The following TEKTIP1 variants were observed in gnomAD, a reference collection of about 807,000 sequenced individuals.
TEKTIP1 encodes tektin bundle-interacting protein 1.
the TEKTIP1 span, among the ~76,000 whole-genome samples, chr19:3,540,503 TC>T: frequency 1.3e-5 from 2 of 150,574 alleles, no homozygotes; most frequent in Non-Finnish European, 3.0e-5. Flanking sequence ...TGATCTGCCC[TC>T]CTTGGCCTCC....
chr19:3,541,712 T>G, the TEKTIP1 span: 1 of 985,272 alleles, frequency 1.0e-6, no homozygotes, highest in African/African-American at 1.7e-5. Flanking sequence ...ATGTACCACC[T>G]GCTCCTGGGA....
At chr19:3,541,709 A>C in the TEKTIP1 span, 1 of 985,350 alleles carries the variant, frequency 1.0e-6, no homozygotes, top group Non-Finnish European at 1.2e-6. Flanking sequence ...TGCATGTACC[A>C]CCTGCTCCTG....
the TEKTIP1 span, chr19:3,543,203 G>A: frequency 6.5e-7 from 1 of 1,533,540 alleles, no homozygotes; most frequent in Non-Finnish European, 8.8e-7. Flanking sequence ...CTGTAGACAT[G>A]GGCTCAGTCT....
chr19:3,542,593 C>T, the TEKTIP1 span: 28 of 751,350 alleles, frequency 3.7e-5, no homozygotes, highest in Non-Finnish European at 4.5e-5. Context: ...CCTGCCTCAG[C>T]CTCCTGAGTA....
At chr19:3,543,720 G>C in the TEKTIP1 span, 114 of 1,498,778 alleles carry the variant, frequency 7.6e-5, 1 homozygote, top group South Asian at 1.0e-3. Flanking sequence ...GAGGCCAGGG[G>C]GACAAGGCCA....
chr19:3,543,794 G>A, the TEKTIP1 span: 3 of 1,500,020 alleles, frequency 2.0e-6, no homozygotes, highest in African/African-American at 1.4e-5. Context: ...CGGCGAGGAG[G>A]TGGGGGCACA....
the TEKTIP1 span, among the ~76,000 whole-genome samples, chr19:3,541,277 A>G: frequency 6.6e-6 from 1 of 151,620 alleles, no homozygotes; most frequent in Non-Finnish European, 1.5e-5. Context: ...TCAAGGCTGC[A>G]GTGAGCCGAA....
At chr19:3,543,392 C>T in the TEKTIP1 span, 22 of 1,548,738 alleles carry the variant, frequency 1.4e-5, no homozygotes, top group Admixed American at 2.0e-5. Context: ...CAACCTGCCA[C>T]GGGCCCCGGC....
At chr19:3,542,793 C>G in the TEKTIP1 span, 1 of 1,369,782 alleles carries the variant, frequency 7.3e-7, no homozygotes, top group South Asian at 1.1e-5. Context: ...AGTGGGTCCC[C>G]CAGTCTTCCC....
the TEKTIP1 span, chr19:3,543,367 C>T: frequency 1.1e-4 from 169 of 1,549,122 alleles, no homozygotes; most frequent in Non-Finnish European, 1.3e-4. Context: ...ACTCGGACGC[C>T]TGGGAAGCCT....
chr19:3,543,279 TCAGGCAG>T, the TEKTIP1 span: 2 of 1,547,960 alleles, frequency 1.3e-6, no homozygotes, highest in African/African-American at 2.7e-5. Flanking sequence ...CCACCAGCCA[TCAGGCAG>T]GCCACACGCT....
At chr19:3,542,445 A>G in the TEKTIP1 span, 1 of 985,298 alleles carries the variant, frequency 1.0e-6, no homozygotes, top group Non-Finnish European at 1.2e-6. Flanking sequence ...TCCCAAGAGC[A>G]AGGTCAAAGC....
At chr19:3,543,933 C>G in the TEKTIP1 span, 5 of 1,551,102 alleles carry the variant, frequency 3.2e-6, no homozygotes, top group Admixed American at 2.0e-5. Flanking sequence ...CCAGAACTAC[C>G]GGGAGTGGGT....
the TEKTIP1 span, chr19:3,542,218 G>T: frequency 1.0e-6 from 1 of 985,262 alleles, no homozygotes; most frequent in African/African-American, 1.7e-5. Flanking sequence ...TGGAAAAGCC[G>T]AGTCTATGTG....
chr19:3,543,215 T>C, the TEKTIP1 span: 14 of 1,538,286 alleles, frequency 9.1e-6, no homozygotes, highest in African/African-American at 6.9e-5. Flanking sequence ...GCTCAGTCTC[T>C]GCCCCCTGCC....
chr19:3,542,494 G>A, the TEKTIP1 span: 53 of 981,532 alleles, frequency 5.4e-5, no homozygotes, highest in Non-Finnish European at 5.9e-5. Context: ...TTGTTTTTGA[G>A]ACAGAGTCTC....
At chr19:3,543,481 C>CA in the TEKTIP1 span, 3 of 404,690 alleles carry the variant, frequency 7.4e-6, no homozygotes, top group Non-Finnish European at 9.8e-6. Context: ...CGGGTGAGTG[C>CA]CCCCCCCCCC....
At chr19:3,543,395 G>A in the TEKTIP1 span, 1 of 1,548,510 alleles carries the variant, frequency 6.5e-7, no homozygotes, top group Non-Finnish European at 8.7e-7. Context: ...CCTGCCACGG[G>A]CCCCGGCCAG....
At chr19:3,542,932 C>T in the TEKTIP1 span, 1 of 1,467,254 alleles carries the variant, frequency 6.8e-7, no homozygotes, top group Non-Finnish European at 9.2e-7. Flanking sequence ...CCAGGAGTAG[C>T]CAGGGCCCTT....
Sources: allele counts gnomAD v4.1 joint callset (sites outside exome capture counted in the v4.1 genomes callset), GRCh38; gene constraint gnomAD v4.1.1; transcripts MANE v1.5; gene names NCBI Gene and HGNC (gene_info 2026-07-23, HGNC 2026-07-21).